The following BNC2 variants were observed in gnomAD, a reference collection of about 807,000 sequenced individuals.
The protein encoded by BNC2 is zinc finger protein basonuclin-2.
Under a neutral mutation model 76.3 loss-of-function variants are expected in BNC2, and 20 were observed. The ratio of observed to expected loss-of-function variants is 0.26; its 90% CI spans 0.18 to 0.38. The LOEUF is 0.38. Among genes scored for constraint, BNC2 ranks in the 10% least tolerant of loss-of-function variants. The probability of loss-of-function intolerance (pLI) is 1.00; values close to 1 mark genes in which losing one functional copy is unlikely to be tolerated. For missense variants in BNC2, 1,382 were observed against 1,399.8 expected (o/e 0.99, Z 0.20); for synonymous variants, 582 against 514.8 (o/e 1.13, Z -1.77).
At chr9:16,493,282 T>TA (rs1214006175) in intron 5 of BNC2, among the ~76,000 whole-genome samples, 2 of 152,232 alleles carry the variant, frequency 1.3e-5, no homozygotes, top group Non-Finnish European at 2.9e-5. Context: ...AGGAAACAGT[T>TA]ACATCTACCT....
At chr9:16,670,032 T>G (rs1587296538) in intron 3 of BNC2, among the ~76,000 whole-genome samples, 1 of 152,368 alleles carries the variant, frequency 6.6e-6, no homozygotes, top group East Asian at 1.9e-4. Flanking sequence ...AGTTGGTTTC[T>G]GAAACAGATT....
intron 2 of BNC2, among the ~76,000 whole-genome samples, chr9:16,735,573 T>C (rs978045289): frequency 6.6e-6 from 1 of 152,110 alleles, no homozygotes; most frequent in African/African-American, 2.4e-5. Context: ...CTCGGGTTAC[T>C]GCAAGCTCCA....
At chr9:16,444,033 C>G (rs965090309) in intron 5 of BNC2, among the ~76,000 whole-genome samples, 4 of 152,150 alleles carry the variant, frequency 2.6e-5, no homozygotes, top group Non-Finnish European at 5.9e-5. Context: ...ACACACATAA[C>G]TCAACATGTA....
Position 16,567,406 on chromosome 9 carries a change from T to A in BNC2, c.434-14641A>T, listed in dbSNP as rs566042171. Among the ~76,000 whole-genome samples, 55 of 152,226 alleles carry A rather than the reference T, an allele frequency of 3.6e-4. No homozygotes were observed. In the South Asian group the frequency reaches 5.2e-3, roughly 14 times the overall value. On this transcript the variant is annotated intron_variant, in intron 4 of 6. Transcript: ENST00000380672. Reference sequence around the variant, plus strand: ...TTCAGTTTTCAAATGTATAAAATAGTGCTGGGGGTGGGTGAGGGGTAGTTA... The same window carrying A: ...TTCAGTTTTCAAATGTATAAAATAGAGCTGGGGGTGGGTGAGGGGTAGTTA...
At chr9:16,506,278 G>A (rs368291378) in intron 5 of BNC2, among the ~76,000 whole-genome samples, 4 of 152,050 alleles carry the variant, frequency 2.6e-5, no homozygotes, top group Non-Finnish European at 5.9e-5. Flanking sequence ...CCACCCACTC[G>A]GCTCTGGATG....
At chr9:16,569,831 A>AATT (rs1031816559) in intron 4 of BNC2, among the ~76,000 whole-genome samples, 2 of 152,160 alleles carry the variant, frequency 1.3e-5, no homozygotes, top group Non-Finnish European at 2.9e-5. Context: ...CAGGTTTGGG[A>AATT]ATTATTATTA....
At chr9:16,500,383 T>C (rs191978589) in intron 5 of BNC2, among the ~76,000 whole-genome samples, 7 of 152,288 alleles carry the variant, frequency 4.6e-5, no homozygotes, top group African/African-American at 1.4e-4. Flanking sequence ...TTTCTAAATG[T>C]ATAGCACTTG....
intron 3 of BNC2, among the ~76,000 whole-genome samples, chr9:16,665,702 C>T (rs1389346405): frequency 6.6e-6 from 1 of 152,102 alleles, no homozygotes; most frequent in Non-Finnish European, 1.5e-5. Context: ...CTAATCAGAA[C>T]AAAATTTATT....
rs1927627 is a variant in BNC2 at position 16,417,433 on chromosome 9, G to A, written c.*1556C>T. ...ATCGTGTGGGGAAACACAAAACACT[G>A]AACATTGAGAGATCCTGCTTTAAAA... On this transcript the variant is annotated 3_prime_UTR_variant, in exon 7 of 7. Transcript: ENST00000380672. The A allele has an allele frequency of 1, 152,336 of 152,354 alleles. 76,159 individuals are homozygous for A. Among genetic ancestry groups the A allele is most frequent in the Middle Eastern group, 1 (294 of 294 alleles). The allele number at this position is 152,354 out of a possible 1,614,324, so 9.4% of individuals were successfully genotyped here.
At chr9:16,869,314 C>G (rs564930453) in intron 1 of BNC2, among the ~76,000 whole-genome samples, 10 of 152,268 alleles carry the variant, frequency 6.6e-5, no homozygotes, top group Non-Finnish European at 1.0e-4. Flanking sequence ...AACAGCTTGA[C>G]TCTAGGGTAA....
chr9:16,472,343 AG>A (rs1315122604), intron 5 of BNC2, among the ~76,000 whole-genome samples: 16 of 152,220 alleles, frequency 1.1e-4, no homozygotes, highest in African/African-American at 3.9e-4. Context: ...AAAAGCTGGT[AG>A]TAAGCTTACA....
chr9:16,870,541 C>T, intron 1 of BNC2, 105 bp downstream of exon 1: 4 of 1,366,024 alleles, frequency 2.9e-6, no homozygotes, highest in Non-Finnish European at 4.0e-6. Context: ...CGCCGCGGGC[C>T]GGAGGGCGGA....
chr9:16,753,691 A>G (rs1243378850), intron 1 of BNC2, among the ~76,000 whole-genome samples: 1 of 152,218 alleles, frequency 6.6e-6, no homozygotes, highest in African/African-American at 2.4e-5. Flanking sequence ...CCAGGTATCA[A>G]TCAGCAAGCC....
chr9:16,630,727 T>G (rs1429109462), intron 3 of BNC2, among the ~76,000 whole-genome samples: 1 of 147,724 alleles, frequency 6.8e-6, no homozygotes, highest in Non-Finnish European at 1.5e-5. Flanking sequence ...ACCTGTGTAT[T>G]ATTTAAAAAT....
At chr9:16,778,196 A>G (rs956480929) in intron 1 of BNC2, among the ~76,000 whole-genome samples, 1 of 152,228 alleles carries the variant, frequency 6.6e-6, no homozygotes, top group African/African-American at 2.4e-5. Context: ...ACACACAAAT[A>G]CTACAATTAC....
intron 1 of BNC2, among the ~76,000 whole-genome samples, chr9:16,800,224 C>A (rs199558017): frequency 1.3e-4 from 18 of 143,698 alleles, no homozygotes; most frequent in South Asian, 2.2e-4. Flanking sequence ...GACTCCATCT[C>A]AAAAAAAAAA....
At chr9:16,501,145 G>A (rs1387658612) in intron 5 of BNC2, among the ~76,000 whole-genome samples, 3 of 152,132 alleles carry the variant, frequency 2.0e-5, no homozygotes, top group Non-Finnish European at 4.4e-5. Context: ...AACAAAATGA[G>A]CAAATATAAG....
intron 4 of BNC2, among the ~76,000 whole-genome samples, chr9:16,555,462 A>T (rs1376054792): frequency 6.6e-6 from 1 of 152,212 alleles, no homozygotes; most frequent in Non-Finnish European, 1.5e-5. Context: ...TATTATAAGG[A>T]CACTAGTTGA....
rs138327139 is a variant in BNC2, at chr9:16,432,509, C to T, written c.2639+3046G>A. ...ATAACCACTTTGGGAGAAGCCCAGGCAGACCTGTGTAAAACTCCTCCAAGG... is the reference window on the plus strand; with the variant it reads ...ATAACCACTTTGGGAGAAGCCCAGGTAGACCTGTGTAAAACTCCTCCAAGG... On this transcript the variant is annotated intron_variant, in intron 6 of 6. Transcript: ENST00000380672. Among the ~76,000 whole-genome samples, 154 of 152,324 alleles carry T rather than the reference C, an allele frequency of 1.0e-3. 2 individuals are homozygous for T. The East Asian group carries it at 0.018, about 18-fold the overall frequency.
Sources: allele counts gnomAD v4.1 joint callset (sites outside exome capture counted in the v4.1 genomes callset), GRCh38; gene constraint gnomAD v4.1.1; transcripts MANE v1.5; gene names NCBI Gene and HGNC (gene_info 2026-07-23, HGNC 2026-07-21).